ZNF420: variants seen among roughly 807,000 people sequenced by gnomAD.
The protein encoded by ZNF420 is zinc finger protein 420, also known as ATM and p53-associated KZNF protein.
A neutral mutation model predicts 44.7 loss-of-function variants in ZNF420; 31 were observed. The ratio of observed to expected loss-of-function variants is 0.69; its 90% CI spans 0.52 to 0.94. The LOEUF (loss-of-function observed/expected upper bound fraction) is 0.94, where lower values mean the gene tolerates loss of function less well. Ranked by LOEUF, ZNF420 falls within the 40% of genes least tolerant of loss-of-function variation. ZNF420 has a pLI of 0.00. For missense variants in ZNF420, 681 were observed against 827.9 expected (o/e 0.82, Z 2.18); for synonymous variants, 245 against 267.4 (o/e 0.92, Z 0.82).
chr19:37,023,566 G>C (rs557793159), intron 1 of ZNF420, among the ~76,000 whole-genome samples: 1 of 152,016 alleles, frequency 6.6e-6, no homozygotes, highest in Non-Finnish European at 1.5e-5. Context: ...GGGTTTTGCC[G>C]TGTTGGCCAG....
At chr19:37,047,845 T>C (rs1339588068) in intron 1 of ZNF420, among the ~76,000 whole-genome samples, 10 of 152,188 alleles carry the variant, frequency 6.6e-5, no homozygotes, top group East Asian at 5.8e-4. Context: ...TGGAAGCGAA[T>C]TGGAATTACA....
chr19:37,128,305 G>T lies in ZNF420; in HGVS notation c.1314G>T (p.Gln438His). The change falls in exon 5 of 5, where the codon CAG (glutamine) becomes CAT (histidine). Residue 438 changes from glutamine (Q) to histidine (H), a missense_variant. Gln to His is a conservative substitution (Grantham distance 24). Transcript: ENST00000337995. ...GTGGCTCACTCCTTACACGACACCAGAGGATTCATACTGGTGAGAAACCCT... is the reference window on the plus strand; with the variant it reads ...GTGGCTCACTCCTTACACGACACCATAGGATTCATACTGGTGAGAAACCCT... ...FNRGSLLTRH[Q>H]RIHTGEKPYE... is the part of the protein sequence containing the mutation. The T allele has an allele frequency of 6.2e-7, 1 of 1,613,984 alleles. No homozygotes were observed. Among genetic ancestry groups the T allele is most frequent in the African/African-American group, 1.3e-5 (1 of 75,022 alleles).
chr19:37,103,439 T>C (rs1232828597), intron 4 of ZNF420, among the ~76,000 whole-genome samples: 2 of 152,208 alleles, frequency 1.3e-5, no homozygotes, highest in Non-Finnish European at 2.9e-5. Context: ...GTGATTAATT[T>C]CTCTATATGT....
chr19:37,099,361 T>G (rs1969633200), intron 4 of ZNF420, among the ~76,000 whole-genome samples: 1 of 152,196 alleles, frequency 6.6e-6, no homozygotes. Flanking sequence ...TTTTGTCTTT[T>G]TAATAGCCAT....
intron 1 of ZNF420, chr19:37,024,982 C>A: frequency 4.8e-6 from 1 of 207,818 alleles, no homozygotes; most frequent in East Asian, 1.1e-4. Flanking sequence ...GGCTTCTCTC[C>A]AGTATGAATA....
intron 1 of ZNF420, among the ~76,000 whole-genome samples, chr19:37,008,592 G>A (rs1337678649): frequency 6.6e-6 from 1 of 152,218 alleles, no homozygotes; most frequent in Non-Finnish European, 1.5e-5. Flanking sequence ...AAGTCCGCGA[G>A]ACTCTTCTCT....
intron 4 of ZNF420, among the ~76,000 whole-genome samples, chr19:37,116,878 A>G (rs1408300749): frequency 6.6e-6 from 1 of 152,176 alleles, no homozygotes; most frequent in Non-Finnish European, 1.5e-5. Flanking sequence ...TGTGCTAGCA[A>G]ACTGCAAGGC....
intron 1 of ZNF420, among the ~76,000 whole-genome samples, chr19:37,019,018 T>G (rs1424590631): frequency 2.0e-5 from 3 of 151,938 alleles, no homozygotes; most frequent in African/African-American, 7.2e-5. Context: ...AACAGACAAG[T>G]TGAAATTCAT....
chr19:37,102,198 G>A (rs945096907), intron 4 of ZNF420, among the ~76,000 whole-genome samples: 1 of 152,190 alleles, frequency 6.6e-6, no homozygotes, highest in African/African-American at 2.4e-5. Flanking sequence ...CTACACGGAG[G>A]GGATAGTTCT....
At chr19:37,027,789 A>T (rs1021578187) in intron 1 of ZNF420, among the ~76,000 whole-genome samples, 49 of 152,186 alleles carry the variant, frequency 3.2e-4, no homozygotes, top group African/African-American at 1.1e-3. Context: ...AGAATATTCC[A>T]TTGTATGATT....
At chr19:37,030,760 A>T (rs895888313) in intron 1 of ZNF420, among the ~76,000 whole-genome samples, 2 of 152,218 alleles carry the variant, frequency 1.3e-5, no homozygotes, top group Non-Finnish European at 2.9e-5. Flanking sequence ...TTTCACAGAA[A>T]TGTCACTCTA....
At chr19:37,072,762 T>G (rs1052468514) in intron 1 of ZNF420, among the ~76,000 whole-genome samples, 1 of 152,228 alleles carries the variant, frequency 6.6e-6, no homozygotes, top group African/African-American at 2.4e-5. Context: ...ATGTAATCTT[T>G]AATATGTTCC....
chr19:37,056,783 C>T (rs1010802394), intron 1 of ZNF420, among the ~76,000 whole-genome samples: 22 of 152,234 alleles, frequency 1.4e-4, no homozygotes, highest in African/African-American at 5.3e-4. Flanking sequence ...CCTCCTCCAC[C>T]GGTAGGAGTT....
intron 1 of ZNF420, among the ~76,000 whole-genome samples, chr19:37,018,422 A>C (rs2074623046): frequency 6.6e-6 from 1 of 152,232 alleles, no homozygotes; most frequent in African/African-American, 2.4e-5. Context: ...GAGTAATCAA[A>C]GAGTCCAATA....
intron 1 of ZNF420, among the ~76,000 whole-genome samples, chr19:37,024,167 G>A (rs1330677558): frequency 2.0e-5 from 3 of 151,976 alleles, no homozygotes; most frequent in Admixed American, 6.6e-5. Flanking sequence ...TCTTTCCACC[G>A]AATGCCCATC....
chr19:37,122,263 C>T (rs1971089525), intron 4 of ZNF420, among the ~76,000 whole-genome samples: 1 of 152,120 alleles, frequency 6.6e-6, no homozygotes, highest in Admixed American at 6.5e-5. Flanking sequence ...CACATATATA[C>T]CATGGAATAG....
intron 1 of ZNF420, among the ~76,000 whole-genome samples, chr19:37,027,981 T>C (rs1967185746): frequency 6.6e-6 from 1 of 152,210 alleles, no homozygotes; most frequent in Non-Finnish European, 1.5e-5. Context: ...ATCATATGTT[T>C]AGTTTTGCAG....
intron 1 of ZNF420, among the ~76,000 whole-genome samples, chr19:37,039,701 CT>C (rs3051691): frequency 0.2 from 28,287 of 143,568 alleles, 3,056 homozygotes; most frequent in African/African-American, 0.33. Flanking sequence ...ATGTTTCTTT[CT>C]TTTTTTTTTT....
intron 1 of ZNF420, among the ~76,000 whole-genome samples, chr19:37,064,085 T>A (rs1967925421): frequency 6.6e-6 from 1 of 152,224 alleles, no homozygotes; most frequent in South Asian, 2.1e-4. Flanking sequence ...AAGTGATGCA[T>A]GCTCCTATCA....
Sources: allele counts gnomAD v4.1 joint callset (sites outside exome capture counted in the v4.1 genomes callset), GRCh38; gene constraint gnomAD v4.1.1; transcripts MANE v1.5; gene names NCBI Gene and HGNC (gene_info 2026-07-23, HGNC 2026-07-21).